The following ZNF423 variants were observed in gnomAD, a reference collection of about 807,000 sequenced individuals.
ZNF423 encodes zinc finger protein 423.
In ZNF423, 12 loss-of-function variants were observed where a neutral mutation model predicts 95.8. The observed-to-expected ratio is 0.13, with a 90% CI of 0.08 to 0.20. The LOEUF is 0.20. Among genes scored for constraint, ZNF423 ranks in the 10% least tolerant of loss-of-function variants. ZNF423 has a pLI of 1.00. For synonymous variants in ZNF423, 749 were observed against 711.9 expected (o/e 1.05, Z -0.83); for missense variants, 1,316 against 1,737.1 (o/e 0.76, Z 4.31).
At chr16:49,801,836 G>A (rs1487154712) in intron 1 of ZNF423, among the ~76,000 whole-genome samples, 2 of 152,092 alleles carry the variant, frequency 1.3e-5, no homozygotes, top group African/African-American at 4.8e-5. Context: ...CTAGGATGGG[G>A]TATAGCCAGG....
chr16:49,679,429 G>A (rs182710689), intron 3 of ZNF423, among the ~76,000 whole-genome samples: 147 of 152,378 alleles, frequency 9.6e-4, no homozygotes, highest in African/African-American at 3.0e-3. Flanking sequence ...GGAAGTGCCT[G>A]CTCCTGCTGC....
At chr16:49,710,939 A>C (rs191121788) in intron 3 of ZNF423, among the ~76,000 whole-genome samples, 1 of 152,248 alleles carries the variant, frequency 6.6e-6, no homozygotes, top group East Asian at 1.9e-4. Context: ...GTCTTATTTC[A>C]GGGTTTCTCT....
At chr16:49,849,187 G>A (rs368258039) in intron 1 of ZNF423, among the ~76,000 whole-genome samples, 5 of 152,268 alleles carry the variant, frequency 3.3e-5, no homozygotes, top group African/African-American at 9.6e-5. Context: ...AAAGGGAGAA[G>A]GACAGATGAC....
chr16:49,553,742 C>G (rs1054873672), intron 5 of ZNF423, among the ~76,000 whole-genome samples: 1 of 152,082 alleles, frequency 6.6e-6, no homozygotes, highest in Non-Finnish European at 1.5e-5. Context: ...TAATAACAAC[C>G]ACTCTTAGTA....
At chr16:49,582,584 C>T (rs1367308807) in intron 5 of ZNF423, among the ~76,000 whole-genome samples, 3 of 152,080 alleles carry the variant, frequency 2.0e-5, no homozygotes, top group Non-Finnish European at 4.4e-5. Context: ...GTAATTGATC[C>T]CATCTGAATA....
At chr16:49,718,094 C>T (rs907206344) in intron 3 of ZNF423, among the ~76,000 whole-genome samples, 1 of 152,156 alleles carries the variant, frequency 6.6e-6, no homozygotes, top group Non-Finnish European at 1.5e-5. Flanking sequence ...GTTTTGCTCA[C>T]CCAGTTCCCA....
chr16:49,598,058 T>C (rs1971241020), intron 5 of ZNF423, among the ~76,000 whole-genome samples: 1 of 152,174 alleles, frequency 6.6e-6, no homozygotes, highest in Non-Finnish European at 1.5e-5. Context: ...GGGGAGAGCT[T>C]GTCAATCACA....
chr16:49,580,605 G>A (rs775284223), intron 5 of ZNF423, among the ~76,000 whole-genome samples: 9 of 152,232 alleles, frequency 5.9e-5, no homozygotes, highest in African/African-American at 2.2e-4. Flanking sequence ...CTCAAGACCC[G>A]TAGAAACAAA....
intron 1 of ZNF423, among the ~76,000 whole-genome samples, chr16:49,811,360 G>C (rs1053960661): frequency 6.6e-6 from 1 of 151,954 alleles, no homozygotes; most frequent in African/African-American, 2.4e-5. Context: ...TCAAATGATC[G>C]CAGGGGAAAT....
chr16:49,836,131 TA>T (rs2035117193), intron 1 of ZNF423, among the ~76,000 whole-genome samples: 1 of 152,136 alleles, frequency 6.6e-6, no homozygotes, highest in Non-Finnish European at 1.5e-5. Flanking sequence ...CTAAATACCT[TA>T]AATGCAGCAA....
At chr16:49,505,422 T>C (rs1028915301) in intron 7 of ZNF423, among the ~76,000 whole-genome samples, 1 of 152,192 alleles carries the variant, frequency 6.6e-6, no homozygotes, top group Non-Finnish European at 1.5e-5. Flanking sequence ...TTCTAGAAAA[T>C]TAAGTCCTAC....
In ZNF423 at chr16:49,636,450, A is replaced by T; in HGVS notation, c.2726T>A (p.Leu909Gln). ...GTGGTCCCGCAGCCGGTGATTCTGCAGCAGCACCTCCATGGTGTAGGCCGC... is the reference window on the plus strand; with the variant it reads ...GTGGTCCCGCAGCCGGTGATTCTGCTGCAGCACCTCCATGGTGTAGGCCGC... Reference protein sequence around the residue: ...CGAAYTMEVLLQNHRLRDHNI... With the variant: ...CGAAYTMEVLQQNHRLRDHNI... Residue 909 changes from leucine to glutamine, a missense_variant, in exon 4 of 8, where the codon CTG (leucine) becomes CAG (glutamine). By Grantham distance (113) the Leu-to-Gln change is moderately radical. This residue lies in a region of ZNF423 where 620 missense variants were observed against 775.6 expected (regional missense o/e 0.80). Coordinates refer to ENST00000563137, the MANE Select transcript of ZNF423 (RefSeq NM_001379286.1). This position sits in a 1 kb window ranked among gnomAD's most constrained non-coding sequence, Gnocchi z 8.6. 6.2e-7 allele frequency: 1 copy of T among 1,613,500 alleles called. No individual in the cohort carries two copies. The highest frequency in any genetic ancestry group is 8.5e-7 in the Non-Finnish European group (1 of 1,180,012).
chr16:49,560,975 T>C (rs1969998802), intron 5 of ZNF423, among the ~76,000 whole-genome samples: 1 of 152,182 alleles, frequency 6.6e-6, no homozygotes, highest in African/African-American at 2.4e-5. Flanking sequence ...ACATGCAAAT[T>C]CACTAAAGGA....
rs1971445616 is a variant in ZNF423, at chr16:49,603,568, C to G, written c.3601+22602G>C. Among the ~76,000 whole-genome samples the G allele has an allele frequency of 6.6e-6, 1 of 152,132 alleles. No individual in the cohort carries two copies. The highest frequency in any genetic ancestry group is 1.9e-4 in the East Asian group (1 of 5,186). On this transcript the variant is annotated intron_variant, in intron 5 of 7. Coordinates refer to ENST00000563137, the MANE Select transcript of ZNF423 (RefSeq NM_001379286.1). This position sits in a 1 kb window ranked among gnomAD's most constrained non-coding sequence, Gnocchi z 4.1. ...GGGATTACAGGCGCCCGCCACCACG[C>G]CCAGCTAATTTTTGTGTTTTTAGTA...
rs964434881 is a variant in ZNF423, at chr16:49,492,385, G to C, written c.3850-1081C>G. Among the ~76,000 whole-genome samples the C allele has an allele frequency of 6.6e-6, 1 of 152,214 alleles. No homozygotes were observed. Among genetic ancestry groups the C allele is most frequent in the African/African-American group, 2.4e-5 (1 of 41,468 alleles). On this transcript the variant is annotated intron_variant, in intron 7 of 7. Coordinates refer to ENST00000563137, the MANE Select transcript of ZNF423 (RefSeq NM_001379286.1). This position sits in a 1 kb window ranked among gnomAD's most constrained non-coding sequence, Gnocchi z 4.2. ...CCTGCAGCTGTGCCGCTGACCGCCA[G>C]GGGTCAGCAGAGGCACCGCGTCTCT...
At chr16:49,537,914 C>T (rs1372585736) in intron 5 of ZNF423, among the ~76,000 whole-genome samples, 1 of 152,204 alleles carries the variant, frequency 6.6e-6, no homozygotes, top group Non-Finnish European at 1.5e-5. Context: ...GCCCAGCACA[C>T]AGGGACCAGA....
chr16:49,732,444 T>C (rs1400786356), intron 2 of ZNF423, among the ~76,000 whole-genome samples: 1 of 152,240 alleles, frequency 6.6e-6, no homozygotes, highest in Non-Finnish European at 1.5e-5. Flanking sequence ...CAGCCTGTCC[T>C]GGAAAACAGA....
intron 7 of ZNF423, among the ~76,000 whole-genome samples, chr16:49,503,497 C>T (rs573707822): frequency 2.2e-4 from 34 of 152,252 alleles, no homozygotes; most frequent in African/African-American, 8.2e-4. Context: ...AGCCCCTCCC[C>T]CTCCCAGCAG....
At chr16:49,678,894 C>G (rs983947275) in intron 3 of ZNF423, among the ~76,000 whole-genome samples, 4 of 152,218 alleles carry the variant, frequency 2.6e-5, no homozygotes, top group Non-Finnish European at 5.9e-5. Flanking sequence ...AATTCTCAAT[C>G]CATACAAATG....
Sources: allele counts gnomAD v4.1 joint callset (sites outside exome capture counted in the v4.1 genomes callset), GRCh38; gene constraint gnomAD v4.1.1; regional missense constraint gnomAD v4.1.1; non-coding constraint Gnocchi (gnomAD v3.1); transcripts MANE v1.5; gene names NCBI Gene and HGNC (gene_info 2026-07-23, HGNC 2026-07-21).